Variants in NMNAT2 observed in about 807,000 individuals in gnomAD.
NMNAT2 encodes the protein nicotinamide/nicotinic acid mononucleotide adenylyltransferase 2.
In NMNAT2, 11 loss-of-function variants were observed where a neutral mutation model predicts 41.6. The ratio of observed to expected loss-of-function variants is 0.26; its 90% CI spans 0.17 to 0.44. The LOEUF (loss-of-function observed/expected upper bound fraction) is 0.44, where lower values mean the gene tolerates loss of function less well. NMNAT2 is among the 20% of genes least tolerant of loss of function. NMNAT2 has a pLI of 1.00. For synonymous variants in NMNAT2, 148 were observed against 151.2 expected, an observed-to-expected ratio of 0.98 and a Z score of 0.16; for missense variants, 288 against 407.7, an observed-to-expected ratio of 0.71 and a Z score of 2.53.
At position 183,369,807 on chromosome 1, in the gene NMNAT2, G is replaced by A. The variant is rs115772145; in HGVS notation, c.85+48376C>T. 6.7e-3 allele frequency among the ~76,000 whole-genome samples: 1,016 copies of A among 151,894 alleles called. 10 individuals are homozygous for A. The highest frequency in any genetic ancestry group is 0.023 in the African/African-American group (959 of 41,420). On this transcript the variant is annotated intron_variant, in intron 1 of 10. Coordinates refer to ENST00000287713, the MANE Select transcript of NMNAT2 (RefSeq NM_015039.4). Reference sequence around the variant, plus strand: ...AAACACTAACCTCCTCCTGGTCCCCGGCAACCACCATGCTACTTTCCGTCT... The same window carrying A: ...AAACACTAACCTCCTCCTGGTCCCCAGCAACCACCATGCTACTTTCCGTCT...
At chr1:183,417,385 C>T (rs1411675543) in intron 1 of NMNAT2, among the ~76,000 whole-genome samples, 2 of 152,164 alleles carry the variant, frequency 1.3e-5, no homozygotes, top group Non-Finnish European at 2.9e-5. Context: ...CACATTCGTA[C>T]ACACACTAGA....
intron 7 of NMNAT2, among the ~76,000 whole-genome samples, chr1:183,282,466 C>G (rs1017439830): frequency 6.6e-6 from 1 of 152,238 alleles, no homozygotes; most frequent in African/African-American, 2.4e-5. Flanking sequence ...TGAGGAGTGC[C>G]TGATCCACCT....
intron 1 of NMNAT2, among the ~76,000 whole-genome samples, chr1:183,403,003 G>A (rs981205805): frequency 4.6e-5 from 7 of 150,554 alleles, no homozygotes; most frequent in East Asian, 1.9e-4. Flanking sequence ...ACGTGATCTC[G>A]GCTCACTGCA....
chr1:183,368,316 A>C (rs926143489), intron 1 of NMNAT2, among the ~76,000 whole-genome samples: 1 of 152,118 alleles, frequency 6.6e-6, no homozygotes, highest in Non-Finnish European at 1.5e-5. Flanking sequence ...TTCAGAATTA[A>C]GGGCAACATC....
rs1427764538 is a variant in NMNAT2, at chr1:183,255,964, G to A, written c.822-3221C>T. Among the ~76,000 whole-genome samples, 7 of 151,962 alleles carry A rather than the reference G, an allele frequency of 4.6e-5. No individual in the cohort carries two copies. In the East Asian group the frequency reaches 1.4e-3, roughly 29 times the overall value. The stretch of plus-strand genomic sequence containing the variant: ...TAGGTGTGAGCCACCGTGCCTGGCT[G>A]TCTAACTGCTATTGATAGTACTTTC... On this transcript the variant is annotated intron_variant, in intron 10 of 10. Transcript: ENST00000287713.
chr1:183,379,090 A>ACATC lies in NMNAT2; in HGVS notation c.85+39092_85+39093insGATG, dbSNP rs1571627946. 2.7e-5 allele frequency among the ~76,000 whole-genome samples: 3 copies of ACATC among 111,604 alleles called. No homozygotes were observed. In the East Asian group the frequency reaches 7.7e-4, roughly 29 times the overall value. The allele number at this position is 111,604 out of a possible 152,430, so 73.2% of individuals were successfully genotyped here. On this transcript the variant is annotated intron_variant, in intron 1 of 10. Transcript: ENST00000287713. ...TATATCTATATCTATATCTATATCT[A>ACATC]TAATCTATAATCTATATCTCTCTCT...
At chr1:183,284,829 G>A (rs1346299466) in intron 5 of NMNAT2, 39 bp from the exon 6 acceptor site, 2 of 1,547,884 alleles carry the variant, frequency 1.3e-6, no homozygotes, top group Admixed American at 3.3e-5. Context: ...CAGAGTGGGA[G>A]AGAACAACTC....
chr1:183,276,754 T>C (rs1028643214), intron 8 of NMNAT2, among the ~76,000 whole-genome samples: 1 of 152,274 alleles, frequency 6.6e-6, no homozygotes, highest in African/African-American at 2.4e-5. Context: ...AGAGCTTTGA[T>C]GAGCTCTTGT....
chr1:183,371,995 G>C (rs1663554676), intron 1 of NMNAT2, among the ~76,000 whole-genome samples: 1 of 152,074 alleles, frequency 6.6e-6, no homozygotes, highest in African/African-American at 2.4e-5. Flanking sequence ...GCCCAGGCTG[G>C]TCTTGAACTC....
chr1:183,347,349 A>T (rs1662952994), intron 1 of NMNAT2, among the ~76,000 whole-genome samples: 1 of 152,050 alleles, frequency 6.6e-6, no homozygotes, highest in Non-Finnish European at 1.5e-5. Flanking sequence ...CCAGCTACTC[A>T]AGAGGGTGAG....
intron 1 of NMNAT2, among the ~76,000 whole-genome samples, chr1:183,373,169 G>A (rs1663589108): frequency 6.6e-6 from 1 of 152,218 alleles, no homozygotes; most frequent in Admixed American, 6.5e-5. Flanking sequence ...GCTGAAAGTA[G>A]CTTCTCTTTT....
At chr1:183,269,165 C>T (rs570308666) in intron 8 of NMNAT2, among the ~76,000 whole-genome samples, 6 of 152,172 alleles carry the variant, frequency 3.9e-5, no homozygotes, top group South Asian at 2.1e-4. Context: ...CTACGTGATA[C>T]GAAGGGATGG....
At chr1:183,277,700 G>A (rs1326940999) in intron 8 of NMNAT2, among the ~76,000 whole-genome samples, 1 of 151,944 alleles carries the variant, frequency 6.6e-6, no homozygotes, top group African/African-American at 2.4e-5. Flanking sequence ...CCTATTACTT[G>A]GGGGCAAAGA....
chr1:183,388,884 A>C (rs986041305), intron 1 of NMNAT2, among the ~76,000 whole-genome samples: 1 of 152,214 alleles, frequency 6.6e-6, no homozygotes. Context: ...TGGGCTTTGA[A>C]GATCCTCACC....
At chr1:183,275,185 A>G (rs1372450449) in intron 8 of NMNAT2, among the ~76,000 whole-genome samples, 1 of 152,224 alleles carries the variant, frequency 6.6e-6, no homozygotes, top group Non-Finnish European at 1.5e-5. Flanking sequence ...CAGGTCTGCT[A>G]ATTAATAATG....
rs1649310899 is a variant in NMNAT2, at chr1:183,418,305, C to T, written c.-38G>A. The stretch of plus-strand genomic sequence containing the variant: ...TCCTTCGCGGTGGTCTAGGGGTTGC[C>T]TCTCTTTTTGTGTCTCGTTGTGTCT... On this transcript the variant is annotated 5_prime_UTR_variant, in exon 1 of 11. Coordinates refer to ENST00000287713, the MANE Select transcript of NMNAT2 (RefSeq NM_015039.4). 5.0e-6 allele frequency: 8 copies of T among 1,594,436 alleles called. No homozygotes were observed. In the African/African-American group the frequency reaches 6.7e-5, roughly 13 times the overall value.
intron 8 of NMNAT2, among the ~76,000 whole-genome samples, chr1:183,272,316 A>G (rs1384653835): frequency 2.6e-5 from 4 of 152,328 alleles, no homozygotes; most frequent in South Asian, 2.1e-4. Flanking sequence ...TAGTTCTCCA[A>G]TAAAGAACTC....
At chr1:183,408,734 G>A (rs1475883536) in intron 1 of NMNAT2, among the ~76,000 whole-genome samples, 2 of 151,990 alleles carry the variant, frequency 1.3e-5, no homozygotes, top group African/African-American at 4.8e-5. Flanking sequence ...TGATTCCCTG[G>A]GGTATAACAA....
intron 1 of NMNAT2, among the ~76,000 whole-genome samples, chr1:183,404,846 A>C (rs1004921348): frequency 6.6e-6 from 1 of 152,238 alleles, no homozygotes; most frequent in African/African-American, 2.4e-5. Context: ...ATGGTCAAGC[A>C]AACAAATGCA....
Sources: allele counts gnomAD v4.1 joint callset (sites outside exome capture counted in the v4.1 genomes callset), GRCh38; gene constraint gnomAD v4.1.1; transcripts MANE v1.5; gene names NCBI Gene and HGNC (gene_info 2026-07-23, HGNC 2026-07-21).